The following B9D1 variants were observed in gnomAD, a reference collection of about 807,000 sequenced individuals.
B9D1 encodes the protein B9 domain-containing protein 1.
Under a neutral mutation model 26.1 loss-of-function variants are expected in B9D1, and 20 were observed. That is an observed-to-expected ratio of 0.77 (90% CI 0.54 to 1.12). The LOEUF is 1.12. B9D1 is among the 50% of genes most tolerant of loss of function. The pLI is 0.00. For synonymous variants in B9D1, 105 were observed against 103.1 expected (o/e 1.02, Z -0.11); for missense variants, 260 against 273.7 (o/e 0.95, Z 0.35).
At chr17:19,345,818 G>A (rs1908696121) in intron 5 of B9D1, among the ~76,000 whole-genome samples, 1 of 152,186 alleles carries the variant, frequency 6.6e-6, no homozygotes, top group African/African-American at 2.4e-5. Flanking sequence ...GCTGGAGGAT[G>A]TGGGGAGAGG....
chr17:19,356,701 T>C (rs1297532928), intron 3 of B9D1, among the ~76,000 whole-genome samples: 2 of 152,160 alleles, frequency 1.3e-5, no homozygotes, highest in Non-Finnish European at 2.9e-5. Context: ...CAGCAAACAC[T>C]CCCAGAGGAG....
downstream of B9D1, among the ~76,000 whole-genome samples, chr17:19,337,140 G>C (rs953462559): frequency 4.6e-5 from 7 of 152,230 alleles, no homozygotes; most frequent in Non-Finnish European, 1.0e-4. Flanking sequence ...CTGCCTGTCA[G>C]CTGAGGCAAC....
At chr17:19,368,402 A>G (rs1321308524) in intron 1 of B9D1, among the ~76,000 whole-genome samples, 1 of 152,176 alleles carries the variant, frequency 6.6e-6, no homozygotes, top group Non-Finnish European at 1.5e-5. Context: ...TAGTCAGCAG[A>G]CAGAGCTGAG....
intron 5 of B9D1, among the ~76,000 whole-genome samples, chr17:19,344,790 C>G (rs117055930): frequency 3.9e-5 from 6 of 152,238 alleles, no homozygotes; most frequent in Non-Finnish European, 5.9e-5. Flanking sequence ...GAGGGGCTCT[C>G]AGCTGCCGCA....
downstream of B9D1, among the ~76,000 whole-genome samples, chr17:19,341,953 A>C (rs965313149): frequency 2.6e-5 from 4 of 152,174 alleles, no homozygotes; most frequent in African/African-American, 9.7e-5. Context: ...GAAGCGCCAC[A>C]TGAGGGAGGG....
Position 19,360,321 on chromosome 17 carries a change from G to T in B9D1, c.131C>A (p.Ala44Glu). Residue 44 changes from alanine (A) to glutamate (E), a missense_variant and splice_region_variant, in exon 2 of 7, where the codon GCG (alanine) becomes GAG (glutamate). Physicochemically the swap from Ala to Glu is moderately radical, Grantham distance 107. Coordinates refer to ENST00000261499, the MANE Select transcript of B9D1 (RefSeq NM_015681.6). ...GGGAGGCCCAAGAGTCCAGCTTACC[G>T]CTGTGGGGGCCCAGTCCTGGCCGTA... is the stretch of plus-strand genomic sequence containing the variant. ...FVYGQDWAPTAGLEEGISQIT... is the reference protein window; with the variant it reads ...FVYGQDWAPTEGLEEGISQIT... 1 of 1,613,866 alleles carries T rather than the reference G, an allele frequency of 6.2e-7. No homozygotes were observed. Among genetic ancestry groups the T allele is most frequent in the African/African-American group, 1.3e-5 (1 of 75,052 alleles).
downstream of B9D1, among the ~76,000 whole-genome samples, chr17:19,338,438 C>T (rs1210934843): frequency 6.6e-6 from 1 of 152,250 alleles, no homozygotes; most frequent in African/African-American, 2.4e-5. Flanking sequence ...ACTTTGCACA[C>T]TTCCATCAAA....
At position 19,347,297 on chromosome 17, in the gene B9D1, A is replaced by T. The variant is rs201299216; in HGVS notation, c.376T>A (p.Ser126Thr). The T allele has an allele frequency of 1.7e-4, 275 of 1,614,114 alleles. No individual in the cohort carries two copies. The highest frequency in any genetic ancestry group is 3.3e-4 in the Middle Eastern group (2 of 6,084). Reference protein sequence around the residue: ...KRTIPMFVPESTSKLQKFTSW... With the variant: ...KRTIPMFVPETTSKLQKFTSW... The stretch of plus-strand genomic sequence containing the variant: ...GTAAACTTCTGCAGTTTAGACGTAG[A>T]TTCTGGGACAAACATGGGGATGGTC... The change falls in exon 5 of 7, where the codon TCT (serine) becomes ACT (threonine). Residue 126 changes from serine (S) to threonine (T), a missense_variant. Transcript: ENST00000261499. The surrounding 1 kb of genome is among the most constrained non-coding windows in gnomAD (Gnocchi z 4.3).
Position 19,347,234 on chromosome 17 carries a change from T to G in B9D1, c.404+35A>C, listed in dbSNP as rs1416329925. On this transcript the variant is annotated intron_variant, in intron 5 of 6. Coordinates refer to ENST00000261499, the MANE Select transcript of B9D1 (RefSeq NM_015681.6). The surrounding 1 kb of genome is among the most constrained non-coding windows in gnomAD (Gnocchi z 4.3). ...ATGGGACATCCATTCATCCAGTAGA[T>G]CAGGAGGGGCTGGGGTTATGGGTAC... The G allele has an allele frequency of 3.1e-6, 5 of 1,614,054 alleles. No individual in the cohort carries two copies. The African/African-American group carries it at 6.7e-5, about 22-fold the overall frequency.
At chr17:19,351,186 G>A (rs959645434) in intron 3 of B9D1, among the ~76,000 whole-genome samples, 19 of 152,032 alleles carry the variant, frequency 1.2e-4, no homozygotes, top group Non-Finnish European at 5.9e-5. Flanking sequence ...TTTAGAGACA[G>A]GGTCTTGCTA....
At chr17:19,362,733 G>A (rs1211490977), upstream of B9D1, 1 of 1,510,450 alleles carries the variant, frequency 6.6e-7, no homozygotes. Flanking sequence ...CGCAGGCGCA[G>A]TGAACGGGCG....
At chr17:19,337,895 T>C (rs1326184539), downstream of B9D1, 2 of 629,084 alleles carry the variant, frequency 3.2e-6, no homozygotes, top group Non-Finnish European at 5.9e-6. Context: ...AAGTGCAGGC[T>C]TCCTTAGTGG....
rs1950563358 is a variant in B9D1, at chr17:19,370,586, A to T, written c.-298+7273T>A. Among the ~76,000 whole-genome samples, 1 of 152,206 alleles carries T rather than the reference A, an allele frequency of 6.6e-6. No homozygotes were observed. On this transcript the variant is annotated intron_variant, in intron 1 of 5. Transcript: ENST00000477478. This position sits in a 1 kb window ranked among gnomAD's most constrained non-coding sequence, Gnocchi z 5.1. ...TCTTGGGACCATAGAGGACTGCAGC[A>T]CCAATGGTGGAACTCCAGGCGTGGT...
chr17:19,366,610 C>T (rs1268606473), upstream of B9D1, among the ~76,000 whole-genome samples: 18 of 152,090 alleles, frequency 1.2e-4, no homozygotes, highest in Admixed American at 7.9e-4. Flanking sequence ...GAGTTGGAAG[C>T]AGAGTTGGGA....
At chr17:19,342,614 C>T (rs1361741264), downstream of B9D1, among the ~76,000 whole-genome samples, 1 of 152,164 alleles carries the variant, frequency 6.6e-6, no homozygotes, top group African/African-American at 2.4e-5. Flanking sequence ...CCAGAAGGGC[C>T]TGGACAACCT....
chr17:19,343,990 A>G, intron 5 of B9D1, 133 bp from the exon 6 acceptor site: 1 of 1,384,478 alleles, frequency 7.2e-7, no homozygotes, highest in Non-Finnish European at 9.8e-7. Flanking sequence ...CCCCACCAGG[A>G]GTCAGGCCCT....
rs986487087 is a variant in B9D1, at chr17:19,352,123, C to T, written c.245-4243G>A. On this transcript the variant is annotated intron_variant, in intron 3 of 6. Coordinates refer to ENST00000261499, the MANE Select transcript of B9D1 (RefSeq NM_015681.6). ...TTAGTCTTGAACTCCTGGGCTCAAG[C>T]GATCCTACCGCCTCAGCCTCCCAAA... Among the ~76,000 whole-genome samples, 7 of 152,018 alleles carry T rather than the reference C, an allele frequency of 4.6e-5. 1 individual carries two copies. In the East Asian group the frequency reaches 7.7e-4, roughly 17 times the overall value.
At chr17:19,360,670 C>T (rs1042840702) in intron 1 of B9D1, among the ~76,000 whole-genome samples, 26 of 152,144 alleles carry the variant, frequency 1.7e-4, no homozygotes, top group Admixed American at 1.3e-4. Context: ...CAAAACTTAC[C>T]CTTCAGGGAG....
intron 5 of B9D1, among the ~76,000 whole-genome samples, chr17:19,345,754 C>T (rs1908682698): frequency 6.6e-6 from 1 of 152,206 alleles, no homozygotes; most frequent in Non-Finnish European, 1.5e-5. Flanking sequence ...GCAGCAGCCA[C>T]CGTGGGAAAC....
Sources: gnomAD v4.1 joint callset for allele counts (sites outside exome capture counted in the v4.1 genomes callset) on GRCh38, gnomAD v4.1.1 for gene constraint, Gnocchi (gnomAD v3.1) non-coding constraint, MANE v1.5 for transcripts, NCBI Gene and HGNC (gene_info 2026-07-23, HGNC 2026-07-21) for gene names.